The following ZIM2 variants were observed in gnomAD, a reference collection of about 807,000 sequenced individuals.
ZIM2 encodes zinc finger imprinted 2, also known as zinc finger protein 656.
In ZIM2, 14 loss-of-function variants were observed where a neutral mutation model predicts 38.6. The observed-to-expected ratio is 0.36, with a 90% CI of 0.24 to 0.57. The LOEUF (loss-of-function observed/expected upper bound fraction) is 0.57, where lower values mean the gene tolerates loss of function less well. ZIM2 is among the 20% of genes least tolerant of loss of function. ZIM2 has a pLI of 0.81. For synonymous variants in ZIM2, 247 were observed against 245.8 expected, an observed-to-expected ratio of 1.00 and a Z score of -0.04; for missense variants, 680 against 695.1, an observed-to-expected ratio of 0.98 and a Z score of 0.24.
At chr19:56,782,894 A>C (rs1352630271) in intron 10 of ZIM2, among the ~76,000 whole-genome samples, 1 of 152,046 alleles carries the variant, frequency 6.6e-6, no homozygotes, top group African/African-American at 2.4e-5. Flanking sequence ...CTTTATTTTA[A>C]AATGTACAAT....
intron 9 of ZIM2, among the ~76,000 whole-genome samples, chr19:56,809,414 G>A (rs949931653): frequency 1.3e-5 from 2 of 152,278 alleles, no homozygotes; most frequent in East Asian, 1.9e-4. Context: ...TCCGACTTAT[G>A]GAATCAGGGA....
At chr19:56,832,970 T>C (rs1000839110) in intron 2 of ZIM2, among the ~76,000 whole-genome samples, 2 of 152,306 alleles carry the variant, frequency 1.3e-5, no homozygotes, top group East Asian at 3.9e-4. Flanking sequence ...TTACAATTAA[T>C]ATAACACATA....
At position 56,813,721 on chromosome 19, in the gene ZIM2, T is replaced by C. The variant is rs758371062; in HGVS notation, c.490+4025A>G. The C allele has an allele frequency of 1.1e-5, 17 of 1,614,140 alleles. 1 individual carries two copies. Among genetic ancestry groups the C allele is most frequent in the Admixed American group, 8.3e-5 (5 of 60,008 alleles). ...GTGTCTGGCGAGGGACAGGCGGTCA[T>C]TGAAGAGCTGCCCACAGACGTCACA... On this transcript the variant is annotated intron_variant, in intron 9 of 12. Coordinates refer to ENST00000629319, the MANE Select transcript of ZIM2 (RefSeq NM_001387356.1).
In ZIM2 at chr19:56,836,003, G is replaced by A. The variant is rs762438700; in HGVS notation, c.-227+15C>T. ...AAAGATGAATGTGGCACTGTGAGGA[G>A]GAAATTCAACTCACCTGGACCCAGC... On this transcript the variant is annotated intron_variant, in intron 2 of 12. Transcript: ENST00000629319. The A allele has an allele frequency of 1.2e-5, 6 of 510,312 alleles. No homozygotes were observed. Among genetic ancestry groups the A allele is most frequent in the Non-Finnish European group, 2.0e-5 (5 of 255,882 alleles). The allele number at this position is 510,312 out of a possible 1,614,324, so 31.6% of individuals were successfully genotyped here.
At position 56,814,817 on chromosome 19, in the gene ZIM2, G is replaced by T; in HGVS notation, c.490+2929C>A. 1 of 1,614,152 alleles carries T rather than the reference G, an allele frequency of 6.2e-7. No individual in the cohort carries two copies. Among genetic ancestry groups the T allele is most frequent in the South Asian group, 1.1e-5 (1 of 91,074 alleles). On this transcript the variant is annotated intron_variant, in intron 9 of 12. Transcript: ENST00000629319. This position sits in a 1 kb window ranked among gnomAD's most constrained non-coding sequence, Gnocchi z 5.8. The stretch of plus-strand genomic sequence containing the variant: ...TTCCTCTCTGCAGCACGATTCCTCC[G>T]TGGCTTCATGGGCAAGAGGGCAATA...
At chr19:56,782,327 G>A (rs1483924769) in intron 10 of ZIM2, 1 of 648,934 alleles carries the variant, frequency 1.5e-6, no homozygotes, top group Non-Finnish European at 2.5e-6. Context: ...GGGTTGAGGG[G>A]GAAATATCCT....
chr19:56,779,340 C>G (rs2046199225), intron 12 of ZIM2, 37 bp downstream of exon 12: 1 of 1,606,436 alleles, frequency 6.2e-7, no homozygotes, highest in African/African-American at 1.3e-5. Context: ...TTACTGGTTC[C>G]CCCTCCTACA....
chr19:56,778,613 G>A (rs974721556), intron 12 of ZIM2, among the ~76,000 whole-genome samples: 48 of 152,194 alleles, frequency 3.2e-4, no homozygotes, highest in African/African-American at 1.2e-3. Flanking sequence ...AGAGTCGAAG[G>A]CAGAGTAGAA....
chr19:56,815,220 G>A (rs1385898277), intron 9 of ZIM2: 1 of 1,613,944 alleles, frequency 6.2e-7, no homozygotes, highest in South Asian at 1.1e-5. Context: ...TCTCCTCGCT[G>A]TGGGTCTCCT....
At chr19:56,817,409 A>C in intron 9 of ZIM2, 2 of 1,614,058 alleles carry the variant, frequency 1.2e-6, no homozygotes, top group Non-Finnish European at 1.7e-6. Flanking sequence ...TTATCATCTG[A>C]CATTCTGGGG....
At chr19:56,831,729 A>G (rs954133684) in intron 2 of ZIM2, among the ~76,000 whole-genome samples, 1 of 152,286 alleles carries the variant, frequency 6.6e-6, no homozygotes, top group African/African-American at 2.4e-5. Flanking sequence ...GATTATAAAA[A>G]TAAAACACAG....
chr19:56,821,656 A>G lies in ZIM2; in HGVS notation c.289T>C (p.Ser97Pro). The G allele has an allele frequency of 6.2e-7, 1 of 1,613,946 alleles. No homozygotes were observed. The highest frequency in any genetic ancestry group is 1.3e-5 in the African/African-American group (1 of 75,034). ...DRDSRAYESR[S>P]QDAESYQNVV... ...GAGAGGAAACCTGAGCATACCTGAG[A>G]TCGGGACTCATAAGCCCTGGAGTCC... The change falls in exon 7 of 13, where the codon TCT (serine) becomes CCT (proline). Residue 97 changes from serine (S) to proline (P), a missense_variant. By Grantham distance (74) the Ser-to-Pro change is moderately conservative. Transcript: ENST00000629319.
chr19:56,777,429 G>A (rs546898963), intron 12 of ZIM2, among the ~76,000 whole-genome samples: 6 of 152,220 alleles, frequency 3.9e-5, no homozygotes, highest in South Asian at 4.2e-4. Context: ...CTACAACCAC[G>A]GCCTCAGCCT....
At chr19:56,792,029 T>TTG (rs1221952552) in intron 9 of ZIM2, among the ~76,000 whole-genome samples, 32 of 151,788 alleles carry the variant, frequency 2.1e-4, no homozygotes, top group Admixed American at 2.1e-3. Flanking sequence ...CAGGAGTTTT[T>TTG]TTTTTTTTTT....
At chr19:56,790,294 A>G (rs2046861489) in intron 9 of ZIM2, among the ~76,000 whole-genome samples, 1 of 152,160 alleles carries the variant, frequency 6.6e-6, no homozygotes, top group African/African-American at 2.4e-5. Flanking sequence ...GACAATACCT[A>G]TACAGTAGTC....
In ZIM2 at chr19:56,824,360, G is replaced by A. The variant is rs751413834; in HGVS notation, c.-83C>T. On this transcript the variant is annotated 5_prime_UTR_variant, in exon 4 of 13. Transcript: ENST00000629319. ...TCGCACCCAAGGCTTGAGCTTTTCA[G>A]GGATGATGGTCAGGTACTGCTCAAG... 1.2e-6 allele frequency: 2 copies of A among 1,614,124 alleles called. No individual in the cohort carries two copies. The highest frequency in any genetic ancestry group is 1.7e-6 in the Non-Finnish European group (2 of 1,180,034).
intron 9 of ZIM2, chr19:56,815,144 C>G (rs1555792038): frequency 6.2e-7 from 1 of 1,613,962 alleles, no homozygotes; most frequent in Non-Finnish European, 8.5e-7. Flanking sequence ...TCAGGGTCAT[C>G]CTTCTGAGGG....
At chr19:56,820,443 A>G (rs2060371740) in intron 7 of ZIM2, among the ~76,000 whole-genome samples, 1 of 152,184 alleles carries the variant, frequency 6.6e-6, no homozygotes, top group South Asian at 2.1e-4. Context: ...TTAAAAAGCA[A>G]AACAAGACAA....
chr19:56,829,961 G>A (rs969904836), intron 2 of ZIM2, among the ~76,000 whole-genome samples: 2 of 152,220 alleles, frequency 1.3e-5, no homozygotes, highest in African/African-American at 4.8e-5. Context: ...GGTGCTGAGA[G>A]GAAGAAAGGT....
Sources: allele counts gnomAD v4.1 joint callset (sites outside exome capture counted in the v4.1 genomes callset), GRCh38; gene constraint gnomAD v4.1.1; non-coding constraint Gnocchi (gnomAD v3.1); transcripts MANE v1.5; gene names NCBI Gene and HGNC (gene_info 2026-07-23, HGNC 2026-07-21).